Variants in PLCB4 observed in about 807,000 individuals in gnomAD.
PLCB4 encodes phospholipase C beta 4, also known as 1-phosphatidylinositol 4,5-bisphosphate phosphodiesterase beta-4.
In PLCB4, 77 loss-of-function variants were observed where a neutral mutation model predicts 178.8. The observed-to-expected ratio is 0.43, with a 90% confidence interval of 0.36 to 0.52. The LOEUF is 0.52. Ranked by LOEUF, PLCB4 falls within the 20% of genes least tolerant of loss-of-function variation. The probability of loss-of-function intolerance (pLI) is 0.00; values close to 1 mark genes in which losing one functional copy is unlikely to be tolerated. For missense variants in PLCB4, 1,024 were observed against 1,453.4 expected, an observed-to-expected ratio of 0.70 and a Z score of 4.80; for synonymous variants, 496 against 490.8, an observed-to-expected ratio of 1.01 and a Z score of -0.14.
intron 3 of PLCB4, among the ~76,000 whole-genome samples, chr20:9,299,470 A>G (rs1218828280): frequency 1.3e-5 from 2 of 152,060 alleles, no homozygotes; most frequent in Non-Finnish European, 2.9e-5. Context: ...ATATGTAAGC[A>G]ATATGTGTAT....
At chr20:9,304,323 A>G (rs1014522615) in intron 3 of PLCB4, among the ~76,000 whole-genome samples, 4 of 152,046 alleles carry the variant, frequency 2.6e-5, no homozygotes, top group Admixed American at 2.0e-4. Flanking sequence ...GTTGTTGTCA[A>G]TGAGCATGAC....
At chr20:9,463,853 C>CA (rs748686795) in intron 35 of PLCB4, among the ~76,000 whole-genome samples, 7 of 152,108 alleles carry the variant, frequency 4.6e-5, no homozygotes, top group Non-Finnish European at 7.3e-5. Context: ...ACCCCACTGT[C>CA]AATATTAGAC....
chr20:9,409,027 T>C (rs1195427867), intron 23 of PLCB4, 30 bp from the exon 24 acceptor site: 2 of 1,597,126 alleles, frequency 1.3e-6, no homozygotes, highest in African/African-American at 2.7e-5. Context: ...TGTAGGACTC[T>C]TTTTTTCTGT....
intron 35 of PLCB4, among the ~76,000 whole-genome samples, chr20:9,464,441 G>A (rs1163745412): frequency 6.6e-6 from 1 of 152,134 alleles, no homozygotes; most frequent in African/African-American, 2.4e-5. Flanking sequence ...GAGCAGAACT[G>A]AAAGAGATAG....
At chr20:9,179,150 A>AT (rs2093203961) in intron 2 of PLCB4, among the ~76,000 whole-genome samples, 1 of 152,136 alleles carries the variant, frequency 6.6e-6, no homozygotes, top group Non-Finnish European at 1.5e-5. Flanking sequence ...TCACTGAAGG[A>AT]TTTTGAATAG....
intron 33 of PLCB4, among the ~76,000 whole-genome samples, chr20:9,456,617 GGAATGTT>G (rs1406740966): frequency 1.3e-5 from 2 of 152,190 alleles, no homozygotes; most frequent in Non-Finnish European, 2.9e-5. Flanking sequence ...TTAAGTCACG[GGAATGTT>G]TCGGCAGTGC....
chr20:9,203,054 A>ATATATATAT (rs1381757895), intron 2 of PLCB4, among the ~76,000 whole-genome samples: 11 of 127,446 alleles, frequency 8.6e-5, no homozygotes, highest in African/African-American at 3.8e-4. Flanking sequence ...AAAAAAAAAA[A>ATATATATAT]AAATATATAT....
At chr20:9,115,417 T>C (rs2091740140) in intron 2 of PLCB4, among the ~76,000 whole-genome samples, 1 of 147,676 alleles carries the variant, frequency 6.8e-6, no homozygotes, top group East Asian at 2.4e-4. Context: ...TGAATAGATT[T>C]TTAAAACTTC....
chr20:9,203,651 T>C (rs1053171602), intron 2 of PLCB4, among the ~76,000 whole-genome samples: 3 of 152,138 alleles, frequency 2.0e-5, no homozygotes, highest in Non-Finnish European at 4.4e-5. Flanking sequence ...GTTAGGTAGA[T>C]AATTTTGCTG....
At chr20:9,328,663 CT>C (rs1374773104) in intron 4 of PLCB4, among the ~76,000 whole-genome samples, 1 of 152,192 alleles carries the variant, frequency 6.6e-6, no homozygotes, top group Non-Finnish European at 1.5e-5. Context: ...ATGTGTCAGC[CT>C]CAAAGCAGGT....
At chr20:9,221,431 A>T (rs767450386) in intron 3 of PLCB4, among the ~76,000 whole-genome samples, 6 of 152,204 alleles carry the variant, frequency 3.9e-5, no homozygotes, top group Non-Finnish European at 8.8e-5. Flanking sequence ...AAGCACACAA[A>T]AGCCGGGAAA....
intron 4 of PLCB4, among the ~76,000 whole-genome samples, 176 bp from the exon 5 acceptor site, chr20:9,336,950 A>G (rs1225403712): frequency 6.6e-6 from 1 of 152,208 alleles, no homozygotes. Context: ...GTTTTACAAT[A>G]CAAAATTGAA....
intron 2 of PLCB4, among the ~76,000 whole-genome samples, chr20:9,206,789 A>G (rs767492402): frequency 2.8e-4 from 42 of 152,220 alleles, no homozygotes; most frequent in Non-Finnish European, 5.1e-4. Flanking sequence ...AATGTATTCA[A>G]GAGTTCTGGA....
intron 1 of PLCB4, among the ~76,000 whole-genome samples, chr20:9,082,085 A>G (rs1461594277): frequency 6.8e-6 from 1 of 147,712 alleles, no homozygotes; most frequent in Admixed American, 6.9e-5. Flanking sequence ...TATTTTTCTT[A>G]ACAGTGTGTT....
chr20:9,341,287 A>G (rs1371770044), intron 7 of PLCB4, among the ~76,000 whole-genome samples: 1 of 152,114 alleles, frequency 6.6e-6, no homozygotes, highest in Non-Finnish European at 1.5e-5. Context: ...TAGAGCTACC[A>G]TACCCCTGTG....
chr20:9,437,148 G>A lies in PLCB4; in HGVS notation c.2760G>A (p.Lys920=), dbSNP rs759979500. ...TAALASGVEA[K]KGIELIPQVR... is the part of the protein sequence containing the mutation. ...CCCTGGCCTCTGGTGTGGAAGCCAA[G>A]AAAGGTGAGAGAGAGCCGTTGGGTT... The change falls in exon 30 of 40, where the codon AAG becomes AAA. Residue 920 remains lysine (K), a synonymous_variant. Coordinates refer to ENST00000378473, the MANE Select transcript of PLCB4 (RefSeq NM_001377142.1). The A allele has an allele frequency of 5.0e-6, 8 of 1,613,816 alleles. No homozygotes were observed. Among genetic ancestry groups the A allele is most frequent in the Non-Finnish European group, 5.9e-6 (7 of 1,179,842 alleles).
intron 28 of PLCB4, among the ~76,000 whole-genome samples, chr20:9,424,456 G>A (rs2040857232): frequency 6.6e-6 from 1 of 152,180 alleles, no homozygotes; most frequent in Non-Finnish European, 1.5e-5. Context: ...GCTAGATTAA[G>A]TCATAGAATT....
chr20:9,149,573 T>C (rs887682949), intron 2 of PLCB4, among the ~76,000 whole-genome samples: 3 of 152,212 alleles, frequency 2.0e-5, no homozygotes, highest in African/African-American at 4.8e-5. Flanking sequence ...GTTTATTTCA[T>C]TGGACATAAC....
chr20:9,097,907 G>A (rs560638345), intron 2 of PLCB4, among the ~76,000 whole-genome samples: 2 of 152,298 alleles, frequency 1.3e-5, no homozygotes, highest in East Asian at 3.9e-4. Context: ...TTGAAGCTGA[G>A]TTGTAATGTT....
Sources: allele counts gnomAD v4.1 joint callset (sites outside exome capture counted in the v4.1 genomes callset), GRCh38; gene constraint gnomAD v4.1.1; transcripts MANE v1.5; gene names NCBI Gene and HGNC (gene_info 2026-07-23, HGNC 2026-07-21).